Variants in ATRNL1 observed in about 807,000 individuals in gnomAD.
ATRNL1 encodes attractin like 1, also known as attractin-like protein 1.
ATRNL1 carries 95 observed loss-of-function variants against 182.7 expected under a neutral mutation model. The observed-to-expected ratio is 0.52, with a 90% CI of 0.44 to 0.62. ATRNL1 has a LOEUF of 0.62. Ranked by LOEUF, ATRNL1 falls within the 20% of genes least tolerant of loss-of-function variation. The pLI is 0.00. For missense variants in ATRNL1, 1,471 were observed against 1,679.5 expected (o/e 0.88, Z 2.17); for synonymous variants, 576 against 568.3 (o/e 1.01, Z -0.19).
chr10:115,932,104 G>A (rs923205644), intron 28 of ATRNL1, among the ~76,000 whole-genome samples: 89 of 152,132 alleles, frequency 5.9e-4, no homozygotes, highest in African/African-American at 2.1e-3. Context: ...TGCTCCCAAA[G>A]GCAAAATGGG....
At position 115,165,624 on chromosome 10, in the gene ATRNL1, A is replaced by G. The variant is rs1847004498; in HGVS notation, c.1071A>G (p.Gly357=). The change falls in exon 7 of 29, where the codon GGA becomes GGG. Residue 357 remains glycine (G), a synonymous_variant. Transcript: ENST00000355044. ...CAAGGGGACCTCTCCAGAGATATGG[A>G]CACTCTCTTGCTTTATATCAGGTAT... is the stretch of plus-strand genomic sequence containing the variant. The part of the protein sequence containing the change: ...TPSRGPLQRY[G]HSLALYQENI... The G allele has an allele frequency of 1.3e-6, 2 of 1,536,670 alleles. No individual in the cohort carries two copies. The highest frequency in any genetic ancestry group is 1.8e-6 in the Non-Finnish European group (2 of 1,131,592).
chr10:115,791,139 G>A (rs782606125), intron 27 of ATRNL1, among the ~76,000 whole-genome samples: 15 of 151,978 alleles, frequency 9.9e-5, no homozygotes, highest in Non-Finnish European at 1.9e-4. Flanking sequence ...GGTCCACATA[G>A]CTTACTTCCT....
At chr10:115,380,229 GAT>G (rs1335531176) in intron 19 of ATRNL1, among the ~76,000 whole-genome samples, 5 of 152,146 alleles carry the variant, frequency 3.3e-5, no homozygotes, top group Non-Finnish European at 5.9e-5. Context: ...TGCATATGGA[GAT>G]GTGTGTATTT....
intron 5 of ATRNL1, among the ~76,000 whole-genome samples, chr10:115,152,091 G>A (rs1280199137): frequency 2.0e-5 from 3 of 152,142 alleles, no homozygotes; most frequent in African/African-American, 7.2e-5. Context: ...TTTGGTACCT[G>A]TACCATGCTG....
chr10:115,160,089 G>A lies in ATRNL1; in HGVS notation c.879G>A (p.Leu293=), dbSNP rs373516548. 12 of 1,611,708 alleles carry A rather than the reference G, an allele frequency of 7.4e-6. 1 individual carries two copies. The highest frequency in any genetic ancestry group is 1.0e-5 in the Non-Finnish European group (12 of 1,178,898). ...NVPSTESYWI[L]PNVKPFSPSV... is the part of the protein sequence containing the mutation. ...CCTCTACTGAGTCTTACTGGATTCT[G>A]CCAAACGTTAAACCCTTCAGTCCTT... Residue 293 remains leucine, a synonymous_variant, in exon 6 of 29, where the codon CTG becomes CTA. Transcript: ENST00000355044.
At chr10:115,802,021 A>ACACACAC (rs1949805669) in intron 27 of ATRNL1, among the ~76,000 whole-genome samples, 1 of 125,964 alleles carries the variant, frequency 7.9e-6, no homozygotes, top group African/African-American at 2.9e-5. Context: ...AAAAAAAAGA[A>ACACACAC]ACACACACAC....
intron 26 of ATRNL1, among the ~76,000 whole-genome samples, chr10:115,602,785 C>T (rs556154194): frequency 1.0e-4 from 15 of 148,608 alleles, no homozygotes; most frequent in South Asian, 6.3e-4. Flanking sequence ...ACCCAGGAGG[C>T]GAAGTTTGCA....
chr10:115,914,690 C>T (rs112579764), intron 28 of ATRNL1, among the ~76,000 whole-genome samples: 14 of 152,304 alleles, frequency 9.2e-5, no homozygotes, highest in East Asian at 5.8e-4. Flanking sequence ...CTGTTTCTTA[C>T]GGTTGACTGG....
At chr10:115,892,563 G>C (rs547103039) in intron 28 of ATRNL1, among the ~76,000 whole-genome samples, 83 of 152,234 alleles carry the variant, frequency 5.5e-4, no homozygotes, top group Non-Finnish European at 1.0e-3. Context: ...GTAAGACTAT[G>C]AACTTTTTGA....
At chr10:115,769,442 T>C (rs1005328532) in intron 27 of ATRNL1, among the ~76,000 whole-genome samples, 7 of 152,208 alleles carry the variant, frequency 4.6e-5, no homozygotes, top group Admixed American at 2.6e-4. Context: ...AGTATATTTA[T>C]GGAGCCAAAC....
rs1489251727 is a variant in ATRNL1, at chr10:115,847,898, A to G, written c.3925A>G (p.Ile1309Val). ...TCAGGGGGCACCCAAGCCAATTGCC[A>G]TTGAACCATGTGCTGGGAACAGAGC... The part of the protein sequence containing the change: ...PLEGAPKPIA[I>V]EPCAGNRAAV... The change falls in exon 28 of 29, where the codon ATT becomes GTT. Residue 1309 changes from isoleucine (I) to valine (V), a missense_variant. This residue lies in a region of ATRNL1 where 437 missense variants were observed against 506.0 expected (regional missense o/e 0.86). Coordinates refer to ENST00000355044, the MANE Select transcript of ATRNL1 (RefSeq NM_207303.4). 1.9e-6 allele frequency: 3 copies of G among 1,611,994 alleles called. No individual in the cohort carries two copies. Among genetic ancestry groups the G allele is most frequent in the African/African-American group, 1.3e-5 (1 of 74,964 alleles).
At chr10:115,884,566 G>C (rs1186189154) in intron 28 of ATRNL1, among the ~76,000 whole-genome samples, 5 of 152,178 alleles carry the variant, frequency 3.3e-5, no homozygotes, top group African/African-American at 1.2e-4. Context: ...TCGTTAATCT[G>C]TTGGGCTTCT....
chr10:115,870,641 CT>C (rs1388200879), intron 28 of ATRNL1, among the ~76,000 whole-genome samples: 1 of 152,180 alleles, frequency 6.6e-6, no homozygotes, highest in Non-Finnish European at 1.5e-5. Flanking sequence ...ACCAATCCAT[CT>C]TGACATTATT....
At chr10:115,362,999 A>G (rs1224304914) in intron 19 of ATRNL1, among the ~76,000 whole-genome samples, 18 of 152,050 alleles carry the variant, frequency 1.2e-4, no homozygotes, top group African/African-American at 3.6e-4. Context: ...ATGTGTCTTT[A>G]TAGCAGCATG....
chr10:115,827,504 A>G (rs1555092341), intron 27 of ATRNL1, among the ~76,000 whole-genome samples: 1 of 152,162 alleles, frequency 6.6e-6, no homozygotes, highest in Admixed American at 6.5e-5. Flanking sequence ...AATCCCTTTG[A>G]GGTCACAGGC....
At chr10:115,355,229 T>A (rs1470462312) in intron 19 of ATRNL1, among the ~76,000 whole-genome samples, 1 of 152,174 alleles carries the variant, frequency 6.6e-6, no homozygotes, top group African/African-American at 2.4e-5. Context: ...CGTTAAAAAT[T>A]TAGGTATTTG....
intron 27 of ATRNL1, among the ~76,000 whole-genome samples, chr10:115,809,435 C>T (rs1249400106): frequency 6.6e-6 from 1 of 151,970 alleles, no homozygotes; most frequent in African/African-American, 2.4e-5. Flanking sequence ...AGTCTTGTGT[C>T]TCTTCTAAGC....
At chr10:115,468,911 G>T (rs1342552507) in intron 23 of ATRNL1, among the ~76,000 whole-genome samples, 1 of 150,286 alleles carries the variant, frequency 6.7e-6, no homozygotes, top group East Asian at 1.9e-4. Flanking sequence ...GGATATTATT[G>T]GTTTTAAAAA....
chr10:115,662,840 T>A (rs1555038495), intron 26 of ATRNL1, among the ~76,000 whole-genome samples: 1 of 152,106 alleles, frequency 6.6e-6, no homozygotes, highest in East Asian at 1.9e-4. Context: ...ATAATAATTT[T>A]GCCATTGATC....
Sources: gnomAD v4.1 joint callset for allele counts (sites outside exome capture counted in the v4.1 genomes callset) on GRCh38, gnomAD v4.1.1 for gene constraint, gnomAD v4.1.1 regional missense constraint, MANE v1.5 for transcripts, NCBI Gene and HGNC (gene_info 2026-07-23, HGNC 2026-07-21) for gene names.